Variants in SYBU observed in about 807,000 individuals in gnomAD.
The protein encoded by SYBU is GOLSYN A protein.
SYBU carries 21 observed loss-of-function variants against 35.9 expected under a neutral mutation model. The observed-to-expected ratio is 0.58, with a 90% CI of 0.41 to 0.84. The LOEUF is 0.84. Ranked by LOEUF, SYBU falls within the 40% of genes least tolerant of loss-of-function variation. The pLI is 0.00. For synonymous variants in SYBU, 319 were observed against 324.3 expected, an observed-to-expected ratio of 0.98 and a Z score of 0.18; for missense variants, 768 against 848.2, an observed-to-expected ratio of 0.91 and a Z score of 1.17.
rs75044672 is a variant in SYBU at position 109,661,703 on chromosome 8, T to C, written c.-129+19008A>G. On this transcript the variant is annotated intron_variant, in intron 1 of 5. Coordinates refer to the SYBU transcript ENST00000408889. ...TAGCAAGATTATCAAGTAGAAACAATGGAGAATAAGCCACATGTATTAAAT... is the reference window on the plus strand; with the variant it reads ...TAGCAAGATTATCAAGTAGAAACAACGGAGAATAAGCCACATGTATTAAAT... Among the ~76,000 whole-genome samples, 14 of 152,298 alleles carry C rather than the reference T, an allele frequency of 9.2e-5. No homozygotes were observed. The East Asian group carries it at 2.7e-3, about 29-fold the overall frequency.
intron 1 of SYBU, among the ~76,000 whole-genome samples, chr8:109,657,448 C>T (rs1816396837): frequency 6.6e-6 from 1 of 152,148 alleles, no homozygotes; most frequent in Non-Finnish European, 1.5e-5. Flanking sequence ...TTCTATAGAG[C>T]TTTAATTTAA....
In SYBU at chr8:109,576,047, A is replaced by G. The variant is rs940813846; in HGVS notation, c.885-34T>C. 7 of 1,045,130 alleles carry G rather than the reference A, an allele frequency of 6.7e-6. No homozygotes were observed. In the South Asian group the frequency reaches 1.1e-4, roughly 16 times the overall value. The allele number at this position is 1,045,130 out of a possible 1,614,324, so 64.7% of individuals were successfully genotyped here. On this transcript the variant is annotated intron_variant, in intron 6 of 6. Coordinates refer to ENST00000276646, the MANE Select transcript of SYBU (RefSeq NM_001099754.2). ...CCAAGACAAGCATGGTTAATTAAAA[A>G]AAAAAAAAAAAAAAAAAAAAAAACT... is the stretch of plus-strand genomic sequence containing the variant.
chr8:109,649,424 G>A (rs187570778), upstream of SYBU, among the ~76,000 whole-genome samples: 73 of 152,286 alleles, frequency 4.8e-4, no homozygotes, highest in African/African-American at 1.7e-3. Context: ...AGAGGTGCTT[G>A]GGGCAGAGAG....
intron 1 of SYBU, among the ~76,000 whole-genome samples, chr8:109,668,165 G>GGAGGGAGA (rs1554628119): frequency 2.2e-5 from 2 of 88,990 alleles, no homozygotes; most frequent in Non-Finnish European, 4.0e-5. Flanking sequence ...GGGGAGAGGG[G>GGAGGGAGA]GAGAGAGAGA....
intron 1 of SYBU, among the ~76,000 whole-genome samples, chr8:109,660,243 T>C (rs1816510888): frequency 6.6e-6 from 1 of 152,224 alleles, no homozygotes; most frequent in South Asian, 2.1e-4. Flanking sequence ...GTTCTTTAAA[T>C]TGTTTACATT....
chr8:109,624,790 C>T (rs1363300187), intron 2 of SYBU, among the ~76,000 whole-genome samples: 1 of 147,606 alleles, frequency 6.8e-6, no homozygotes, highest in Non-Finnish European at 1.5e-5. Context: ...CAAACTGCAG[C>T]CTGCAGGGCA....
At chr8:109,586,186 A>G in intron 3 of SYBU, 24 bp from the exon 4 acceptor site, 1 of 1,551,814 alleles carries the variant, frequency 6.4e-7, no homozygotes, top group Non-Finnish European at 8.8e-7. Context: ...GGGGAGAGAG[A>G]AGCGTGAGGG....
upstream of SYBU, among the ~76,000 whole-genome samples, chr8:109,682,395 G>T (rs1188083653): frequency 1.3e-5 from 2 of 152,198 alleles, no homozygotes; most frequent in African/African-American, 4.8e-5. Context: ...GGCTGAGGTG[G>T]TTTCAGATGG....
At chr8:109,616,976 TAAA>T (rs531361201) in intron 3 of SYBU, among the ~76,000 whole-genome samples, 1 of 146,242 alleles carries the variant, frequency 6.8e-6, no homozygotes, top group African/African-American at 2.5e-5. Flanking sequence ...CCATTTCTAC[TAAA>T]AAAAAAAGTA....
chr8:109,633,929 T>G (rs1162205685), intron 2 of SYBU, among the ~76,000 whole-genome samples: 3 of 152,060 alleles, frequency 2.0e-5, no homozygotes, highest in Non-Finnish European at 4.4e-5. Flanking sequence ...AGATGGAGTT[T>G]CATGATGTTG....
chr8:109,643,047 T>A, intron 1 of SYBU, 115 bp from the exon 2 acceptor site: 1 of 1,425,752 alleles, frequency 7.0e-7, no homozygotes, highest in Non-Finnish European at 9.2e-7. Flanking sequence ...GTATTGAGTC[T>A]TCACAGAGTA....
chr8:109,650,729 C>A (rs976499341), intron 1 of SYBU, among the ~76,000 whole-genome samples: 4 of 152,132 alleles, frequency 2.6e-5, no homozygotes, highest in Non-Finnish European at 4.4e-5. Context: ...GGGAATCTGG[C>A]CTATGTAGTT....
chr8:109,642,791 C>T lies in SYBU; in HGVS notation c.166G>A (p.Glu56Lys), dbSNP rs1322958989. 4 of 1,613,702 alleles carry T rather than the reference C, an allele frequency of 2.5e-6. No homozygotes were observed. Among genetic ancestry groups the T allele is most frequent in the Non-Finnish European group, 3.4e-6 (4 of 1,179,860 alleles). ...CGCCCAGAGCTGCTGGGGTTGAACT[C>T]TCTGCTCTCTTCCTCAGAGAAAGGA... ...ESPFSEEESR[E>K]FNPSSSGRSA... Residue 56 changes from glutamate (E) to lysine (K), a missense_variant, in exon 2 of 7, where the codon GAG (glutamate) becomes AAG (lysine). By Grantham distance (56) the Glu-to-Lys change is moderately conservative. Coordinates refer to ENST00000276646, the MANE Select transcript of SYBU (RefSeq NM_001099754.2).
At chr8:109,585,201 T>A (rs1823474180) in intron 4 of SYBU, among the ~76,000 whole-genome samples, 1 of 152,220 alleles carries the variant, frequency 6.6e-6, no homozygotes, top group Admixed American at 6.5e-5. Context: ...AAGCCACTGG[T>A]GGCAAGCACA....
chr8:109,684,244 C>T (rs2130787294), upstream of SYBU, among the ~76,000 whole-genome samples: 1 of 152,256 alleles, frequency 6.6e-6, no homozygotes, highest in South Asian at 2.1e-4. Flanking sequence ...TGTCCAGATG[C>T]AAATTTAAGA....
chr8:109,655,944 ATCTCT>A (rs980965042), intron 1 of SYBU, among the ~76,000 whole-genome samples: 7 of 151,956 alleles, frequency 4.6e-5, no homozygotes, highest in African/African-American at 1.7e-4. Flanking sequence ...GGGAAACCCC[ATCTCT>A]ACTAAAAATA....
chr8:109,634,690 C>A (rs1814016346), intron 2 of SYBU, among the ~76,000 whole-genome samples: 1 of 152,172 alleles, frequency 6.6e-6, no homozygotes, highest in Non-Finnish European at 1.5e-5. Context: ...GTAATCCCAG[C>A]ACTTTGGGAG....
intron 3 of SYBU, among the ~76,000 whole-genome samples, chr8:109,604,571 A>G (rs1362332213): frequency 6.6e-6 from 1 of 152,246 alleles, no homozygotes; most frequent in Non-Finnish European, 1.5e-5. Flanking sequence ...GCTGAGACTG[A>G]GAAGAAAAGG....
At chr8:109,686,429 C>T (rs1020546566) in intron 1 of SYBU, among the ~76,000 whole-genome samples, 11 of 152,148 alleles carry the variant, frequency 7.2e-5, no homozygotes, top group East Asian at 3.8e-4. Flanking sequence ...TTAAAAGACA[C>T]GCATCAATGT....
Sources: allele counts gnomAD v4.1 joint callset (sites outside exome capture counted in the v4.1 genomes callset), GRCh38; gene constraint gnomAD v4.1.1; transcripts MANE v1.5; gene names NCBI Gene and HGNC (gene_info 2026-07-23, HGNC 2026-07-21).